The following DLGAP2 variants were observed in gnomAD, a reference collection of about 807,000 sequenced individuals.
The protein encoded by DLGAP2 is disks large-associated protein 2.
In DLGAP2, 26 loss-of-function variants were observed where a neutral mutation model predicts 100.3. The ratio of observed to expected loss-of-function variants is 0.26; its 90% CI spans 0.19 to 0.36. DLGAP2 has a LOEUF of 0.36. Ranked by LOEUF, DLGAP2 falls within the 10% of genes least tolerant of loss-of-function variation. The probability of loss-of-function intolerance (pLI) is 1.00; values close to 1 mark genes in which losing one functional copy is unlikely to be tolerated. For missense variants in DLGAP2, 1,858 were observed against 1,453.2 expected (o/e 1.28, Z -4.53); for synonymous variants, 886 against 630.1 (o/e 1.41, Z -6.08).
intron 1 of DLGAP2, among the ~76,000 whole-genome samples, chr8:858,669 G>A (rs1200001734): frequency 6.7e-6 from 1 of 149,910 alleles, no homozygotes; most frequent in Non-Finnish European, 1.5e-5. Context: ...GTGAGATGCT[G>A]TCTCTGTGGG....
rs149131367 is a variant in DLGAP2 at position 1,018,985 on chromosome 8, G to A, written c.73+111019G>A. 5.9e-5 allele frequency: 9 copies of A among 152,248 alleles called. No individual in the cohort carries two copies. In the East Asian group the frequency reaches 1.7e-3, roughly 29 times the overall value. 9.4% of individuals were successfully genotyped at this position (152,248 alleles called of 1,614,324 possible). On this transcript the variant is annotated intron_variant, in intron 2 of 14. Transcript: ENST00000637795. ...AGCACGGTCAGCAGACAGTGAGACG[G>A]GCGCTTGTCCACTCGTCTGACACCG... is the stretch of plus-strand genomic sequence containing the variant.
intron 1 of DLGAP2, chr8:739,464 C>A (rs1277868092): frequency 1.3e-5 from 2 of 152,270 alleles, no homozygotes; most frequent in Non-Finnish European, 2.9e-5. Flanking sequence ...CGAAGCTGCG[C>A]TAAACCCCGG....
chr8:802,524 A>T (rs1796191434), intron 1 of DLGAP2, among the ~76,000 whole-genome samples: 1 of 152,060 alleles, frequency 6.6e-6, no homozygotes, highest in Admixed American at 6.5e-5. Context: ...GAGGTCCCAG[A>T]TTGGCTCATC....
In DLGAP2 at chr8:1,241,203, C is replaced by T. The variant is rs1202062908; in HGVS notation, c.74-17648C>T. On this transcript the variant is annotated intron_variant, in intron 2 of 14. Coordinates refer to ENST00000637795, the MANE Select transcript of DLGAP2 (RefSeq NM_001346810.2). ...CGTGTCTCGTTCTCTCACATGGAGC[C>T]ATGTCTAATTCTCTCACATGGCGCC... Among the ~76,000 whole-genome samples the T allele has an allele frequency of 1.2e-4, 6 of 51,224 alleles. 1 individual carries two copies. The highest frequency in any genetic ancestry group is 2.2e-4 in the African/African-American group (4 of 18,516). The allele number at this position is 51,224 out of a possible 152,430, so 33.6% of individuals were successfully genotyped here.
chr8:1,040,496 G>A (rs1047068705), intron 2 of DLGAP2, among the ~76,000 whole-genome samples: 13 of 136,182 alleles, frequency 9.5e-5, no homozygotes, highest in South Asian at 2.6e-4. Flanking sequence ...TTCCGTGGTC[G>A]TCTCGGTGTG....
chr8:1,087,619 C>T (rs1014255710), intron 2 of DLGAP2, among the ~76,000 whole-genome samples: 2 of 149,336 alleles, frequency 1.3e-5, no homozygotes, highest in African/African-American at 4.9e-5. Flanking sequence ...TTGGCTGTTT[C>T]ATCTGATCTT....
At chr8:1,664,903 G>T (rs1798505041) in intron 8 of DLGAP2, among the ~76,000 whole-genome samples, 1 of 152,206 alleles carries the variant, frequency 6.6e-6, no homozygotes, top group Non-Finnish European at 1.5e-5. Flanking sequence ...TCTTTCTTTT[G>T]TCATCCAGGA....
At chr8:1,327,778 A>G (rs901672152) in intron 3 of DLGAP2, among the ~76,000 whole-genome samples, 51 of 152,108 alleles carry the variant, frequency 3.4e-4, no homozygotes, top group African/African-American at 1.2e-3. Flanking sequence ...CAGGAGGGGG[A>G]GCTTGCAATG....
chr8:1,409,409 C>T (rs1384633603), intron 3 of DLGAP2, among the ~76,000 whole-genome samples: 3 of 152,218 alleles, frequency 2.0e-5, no homozygotes, highest in African/African-American at 4.8e-5. Flanking sequence ...GTGCTGAGCA[C>T]AGAATTGTCT....
rs552981400 is a variant in DLGAP2 at position 1,545,771 on chromosome 8, T to C, written c.173-2855T>C. Among the ~76,000 whole-genome samples, 97 of 152,354 alleles carry C rather than the reference T, an allele frequency of 6.4e-4. 1 individual carries two copies. The Middle Eastern group carries it at 0.01, about 16-fold the overall frequency. The stretch of plus-strand genomic sequence containing the variant: ...TGGAAATGAGAATGTGGTATCAACA[T>C]GTGGCATAATCAAATTTAATTCATT... On this transcript the variant is annotated intron_variant, in intron 4 of 14. Transcript: ENST00000637795.
intron 3 of DLGAP2, among the ~76,000 whole-genome samples, chr8:1,276,003 T>G (rs1199554976): frequency 7.6e-6 from 1 of 131,632 alleles, no homozygotes; most frequent in Non-Finnish European, 1.6e-5. Flanking sequence ...ATGTAATATA[T>G]AAATAGATAT....
intron 4 of DLGAP2, among the ~76,000 whole-genome samples, chr8:1,529,422 C>T (rs1468250869): frequency 2.6e-5 from 4 of 152,136 alleles, no homozygotes; most frequent in Non-Finnish European, 5.9e-5. Flanking sequence ...GTCTTTCATG[C>T]CACAGATTAT....
intron 1 of DLGAP2, among the ~76,000 whole-genome samples, chr8:888,116 T>A (rs902942491): frequency 6.6e-6 from 1 of 152,206 alleles, no homozygotes; most frequent in Non-Finnish European, 1.5e-5. Context: ...AAGGTCTGTA[T>A]GCCTTATTTC....
chr8:1,228,050 G>A (rs912671350), intron 2 of DLGAP2, among the ~76,000 whole-genome samples: 53 of 152,032 alleles, frequency 3.5e-4, no homozygotes, highest in African/African-American at 1.3e-3. Flanking sequence ...GACACAGGAA[G>A]GGGAACATCA....
intron 6 of DLGAP2, among the ~76,000 whole-genome samples, chr8:1,578,000 T>C (rs1475266910): frequency 6.6e-6 from 1 of 152,260 alleles, no homozygotes; most frequent in Non-Finnish European, 1.5e-5. Flanking sequence ...ACGTAGACAC[T>C]CTTATACTAA....
At chr8:1,405,364 T>A (rs1165261872) in intron 3 of DLGAP2, among the ~76,000 whole-genome samples, 6 of 19,854 alleles carry the variant, frequency 3.0e-4, no homozygotes, top group African/African-American at 1.1e-3. Context: ...GTGTATTGAG[T>A]GCTTACTGAG....
chr8:1,122,257 A>C (rs771134586), intron 2 of DLGAP2, among the ~76,000 whole-genome samples: 1 of 152,178 alleles, frequency 6.6e-6, no homozygotes, highest in Non-Finnish European at 1.5e-5. Context: ...TCTTCTGTCC[A>C]TGGAGACAGA....
intron 1 of DLGAP2, among the ~76,000 whole-genome samples, chr8:747,178 C>T (rs566127798): frequency 6.6e-6 from 1 of 152,192 alleles, no homozygotes; most frequent in Non-Finnish European, 1.5e-5. Context: ...CCGGGCACTG[C>T]CCCGCCTCTG....
At position 1,566,868 on chromosome 8, in the gene DLGAP2, C is replaced by G. The variant is rs541684605; in HGVS notation, c.1442+974C>G. Among the ~76,000 whole-genome samples the G allele has an allele frequency of 9.2e-5, 14 of 152,326 alleles. No homozygotes were observed. The East Asian group carries it at 2.1e-3, about 23-fold the overall frequency. On this transcript the variant is annotated intron_variant, in intron 6 of 14. Coordinates refer to ENST00000637795, the MANE Select transcript of DLGAP2 (RefSeq NM_001346810.2). ...CTTACAAATTAGAACTTCACAAATCCGAACTCTATCATTGTTGCCTAGTTC... is the reference window on the plus strand; with the variant it reads ...CTTACAAATTAGAACTTCACAAATCGGAACTCTATCATTGTTGCCTAGTTC...
Sources: allele counts gnomAD v4.1 joint callset (sites outside exome capture counted in the v4.1 genomes callset), GRCh38; gene constraint gnomAD v4.1.1; transcripts MANE v1.5; gene names NCBI Gene and HGNC (gene_info 2026-07-23, HGNC 2026-07-21).